RNF139: variants seen among roughly 807,000 people sequenced by gnomAD.
RNF139 encodes the protein E3 ubiquitin-protein ligase RNF139.
A neutral mutation model predicts 49.5 loss-of-function variants in RNF139; 15 were observed. The observed-to-expected ratio is 0.30, with a 90% CI of 0.20 to 0.47. The LOEUF is 0.47. RNF139 is among the 20% of genes least tolerant of loss of function. The probability of loss-of-function intolerance (pLI) is 1.00; values close to 1 mark genes in which losing one functional copy is unlikely to be tolerated. For missense variants in RNF139, 619 were observed against 806.3 expected, an observed-to-expected ratio of 0.77 and a Z score of 2.81; for synonymous variants, 325 against 300.9, an observed-to-expected ratio of 1.08 and a Z score of -0.83.
intron 1 of RNF139, 43 bp downstream of exon 1, chr8:124,475,333 G>C (rs751736114): frequency 1.3e-6 from 2 of 1,572,576 alleles, no homozygotes; most frequent in Admixed American, 3.5e-5. Flanking sequence ...GGCTATGCGG[G>C]CCGAGACGTT....
chr8:124,486,245 A>G lies in RNF139; in HGVS notation c.596A>G (p.Lys199Arg), dbSNP rs1335355722. ...NTVFVLAVKLKWFYYSTRYVY... is the reference protein window; with the variant it reads ...NTVFVLAVKLRWFYYSTRYVY... Reference sequence around the variant, plus strand: ...GTGTTTGTCCTGGCAGTGAAACTGAAGTGGTTTTATTATTCCACACGATAT... The same window carrying G: ...GTGTTTGTCCTGGCAGTGAAACTGAGGTGGTTTTATTATTCCACACGATAT... The change falls in exon 2 of 2, where the codon AAG becomes AGG. Residue 199 changes from lysine (K) to arginine (R), a missense_variant. Lys to Arg is a conservative substitution (Grantham distance 26, BLOSUM62 2). Coordinates refer to ENST00000303545, the MANE Select transcript of RNF139 (RefSeq NM_007218.4). 6.2e-7 allele frequency: 1 copy of G among 1,614,020 alleles called. No homozygotes were observed. The highest frequency in any genetic ancestry group is 8.5e-7 in the Non-Finnish European group (1 of 1,180,008).
At chr8:124,477,727 T>C (rs561565857) in intron 1 of RNF139, among the ~76,000 whole-genome samples, 1 of 152,308 alleles carries the variant, frequency 6.6e-6, no homozygotes, top group East Asian at 1.9e-4. Context: ...GGATGTTAAA[T>C]ACTAAACGAA....
intron 1 of RNF139, 127 bp downstream of exon 1, chr8:124,475,417 A>C (rs1228917402): frequency 7.2e-6 from 7 of 965,986 alleles, no homozygotes; most frequent in Non-Finnish European, 9.2e-6. Context: ...TTCATCCCTC[A>C]AAGGGTCGTC....
intron 1 of RNF139, among the ~76,000 whole-genome samples, chr8:124,478,120 GGA>G (rs1195425743): frequency 6.7e-6 from 1 of 149,770 alleles, no homozygotes; most frequent in Non-Finnish European, 1.5e-5. Flanking sequence ...TCCAGCCTGG[GGA>G]TAGAGTGAGA....
chr8:124,483,063 T>A (rs1410357348), intron 1 of RNF139, among the ~76,000 whole-genome samples: 5 of 85,588 alleles, frequency 5.8e-5, no homozygotes, highest in Non-Finnish European at 8.3e-5. Context: ...CTATTAAAAA[T>A]ATATATATAT....
At chr8:124,480,772 C>G (rs968750046) in intron 1 of RNF139, among the ~76,000 whole-genome samples, 5 of 152,122 alleles carry the variant, frequency 3.3e-5, no homozygotes, top group Non-Finnish European at 7.4e-5. Flanking sequence ...GGCTGATTCC[C>G]CTGGCTACCT....
chr8:124,487,693 C>A lies in RNF139; in HGVS notation c.*49C>A. On this transcript the variant is annotated 3_prime_UTR_variant, in exon 2 of 2. Coordinates refer to ENST00000303545, the MANE Select transcript of RNF139 (RefSeq NM_007218.4). ...TGAGGTATTTGTTTAAAATTCAGTT[C>A]ATCCAAAATGGAGTAATATCCTTCA... 6.6e-7 allele frequency: 1 copy of A among 1,525,710 alleles called. No individual in the cohort carries two copies. The highest frequency in any genetic ancestry group is 1.9e-4 in the Middle Eastern group (1 of 5,212). The allele number at this position is 1,525,710 out of a possible 1,614,324, so 94.5% of individuals were successfully genotyped here. A position where few individuals can be genotyped will look rare whatever the true frequency, so the allele number is the denominator to read the frequency against.
chr8:124,480,811 C>T (rs1259594300), intron 1 of RNF139, among the ~76,000 whole-genome samples: 1 of 152,072 alleles, frequency 6.6e-6, no homozygotes, highest in African/African-American at 2.4e-5. Flanking sequence ...ATCTAGGGGC[C>T]CCCAGGCACC....
chr8:124,486,358 A>G lies in RNF139; in HGVS notation c.709A>G (p.Ile237Val), dbSNP rs763530503. 6.8e-6 allele frequency: 11 copies of G among 1,614,084 alleles called. No homozygotes were observed. In the South Asian group the frequency reaches 1.2e-4, roughly 18 times the overall value. ...ATGGAAGAGGATTCGTTTCCCAGAC[A>G]TACTACGAGTCTTTTGGCTAACAAG... Reference protein sequence around the residue: ...DTWKRIRFPDILRVFWLTRVT... With the variant: ...DTWKRIRFPDVLRVFWLTRVT... The change falls in exon 2 of 2, where the codon ATA becomes GTA. Residue 237 changes from isoleucine to valine, a missense_variant. Transcript: ENST00000303545.
At chr8:124,480,450 G>T (rs1816390063) in intron 1 of RNF139, among the ~76,000 whole-genome samples, 2 of 150,922 alleles carry the variant, frequency 1.3e-5, no homozygotes, top group African/African-American at 4.9e-5. Flanking sequence ...TGGGTAAGGG[G>T]GAACTACTGT....
chr8:124,480,009 G>C (rs1816380016), intron 1 of RNF139, among the ~76,000 whole-genome samples: 1 of 152,066 alleles, frequency 6.6e-6, no homozygotes, highest in Non-Finnish European at 1.5e-5. Context: ...GTGGGTGCCT[G>C]TAGTCCTATC....
intron 1 of RNF139, among the ~76,000 whole-genome samples, chr8:124,482,957 T>TTTAAAAATATATATATTAAA (rs1554601154): frequency 1.3e-4 from 12 of 90,380 alleles, no homozygotes; most frequent in African/African-American, 3.7e-4. Flanking sequence ...TATATATATA[T>TTTAAAAATATATATATTAAA]AATATATATA....
At chr8:124,480,090 C>T (rs1159208374) in intron 1 of RNF139, among the ~76,000 whole-genome samples, 1 of 151,596 alleles carries the variant, frequency 6.6e-6, no homozygotes, top group East Asian at 1.9e-4. Context: ...GCTATGATTG[C>T]ATAACTGCAC....
intron 1 of RNF139, among the ~76,000 whole-genome samples, chr8:124,478,781 G>A (rs1816354269): frequency 6.6e-6 from 1 of 150,588 alleles, no homozygotes; most frequent in Admixed American, 6.6e-5. Flanking sequence ...GTGCAATGGC[G>A]TGATCTCGGC....
intron 1 of RNF139, among the ~76,000 whole-genome samples, chr8:124,476,463 A>T (rs370722842): frequency 1.3e-5 from 2 of 152,202 alleles, no homozygotes; most frequent in Non-Finnish European, 2.9e-5. Context: ...CCAGAGCCTG[A>T]GCTTAAAAAT....
Position 124,487,157 on chromosome 8 carries a change from A to G in RNF139, c.1508A>G (p.His503Arg). 6.2e-7 allele frequency: 1 copy of G among 1,613,992 alleles called. No individual in the cohort carries two copies. Among genetic ancestry groups the G allele is most frequent in the Non-Finnish European group, 8.5e-7 (1 of 1,180,012 alleles). Residue 503 changes from histidine to arginine, a missense_variant, in exon 2 of 2, where the codon CAT becomes CGT. Physicochemically the swap from His to Arg is conservative, Grantham distance 29. Transcript: ENST00000303545. Reference sequence around the variant, plus strand: ...ATTCGGGCTTTTATGATGTGCCTACATGCATATTTTAACATCTACTTACAA... The same window carrying G: ...ATTCGGGCTTTTATGATGTGCCTACGTGCATATTTTAACATCTACTTACAA... ...SKIRAFMMCL[H>R]AYFNIYLQAK... is the part of the protein sequence containing the mutation.
chr8:124,482,938 A>AT lies in RNF139; in HGVS notation c.182-2893_182-2892insT, dbSNP rs1367455781. On this transcript the variant is annotated intron_variant, in intron 1 of 1. Coordinates refer to ENST00000303545, the MANE Select transcript of RNF139 (RefSeq NM_007218.4). ...CGAAACTCCATTAAAAAAAATATAA[A>AT]AAAAAATATATATATATATAATATA... is the stretch of plus-strand genomic sequence containing the variant. Among the ~76,000 whole-genome samples the AT allele has an allele frequency of 6.5e-3, 631 of 96,536 alleles. 16 individuals are homozygous for AT. The highest frequency in any genetic ancestry group is 0.011 in the Non-Finnish European group (527 of 47,156). 63.3% of individuals were successfully genotyped at this position (96,536 alleles called of 152,430 possible).
intron 1 of RNF139, among the ~76,000 whole-genome samples, chr8:124,485,052 A>G (rs1816505829): frequency 6.6e-6 from 1 of 152,182 alleles, no homozygotes; most frequent in Non-Finnish European, 1.5e-5. Flanking sequence ...TTGATTTCCT[A>G]AAGAATCCTT....
intron 1 of RNF139, 101 bp downstream of exon 1, chr8:124,475,391 C>T: frequency 8.5e-7 from 1 of 1,180,060 alleles, no homozygotes; most frequent in South Asian, 1.4e-5. Context: ...GAGTATGTGT[C>T]TTTGGGAACT....
Sources: gnomAD v4.1 joint callset for allele counts (sites outside exome capture counted in the v4.1 genomes callset) on GRCh38, gnomAD v4.1.1 for gene constraint, MANE v1.5 for transcripts, NCBI Gene and HGNC (gene_info 2026-07-23, HGNC 2026-07-21) for gene names.